DCC: variants seen among roughly 807,000 people sequenced by gnomAD.
DCC encodes the protein DCC netrin 1 receptor.
A neutral mutation model predicts 172.5 loss-of-function variants in DCC; 58 were observed. That is an observed-to-expected ratio of 0.34 (90% CI 0.27 to 0.42). The LOEUF (loss-of-function observed/expected upper bound fraction) is 0.42, where lower values mean the gene tolerates loss of function less well. Among genes scored for constraint, DCC ranks in the 10% least tolerant of loss-of-function variants. DCC has a pLI of 1.00. For missense variants in DCC, 1,740 were observed against 1,791.0 expected, an observed-to-expected ratio of 0.97 and a Z score of 0.51; for synonymous variants, 709 against 644.5, an observed-to-expected ratio of 1.10 and a Z score of -1.52.
At chr18:52,665,208 A>T (rs1320744760) in intron 1 of DCC, among the ~76,000 whole-genome samples, 1 of 152,096 alleles carries the variant, frequency 6.6e-6, no homozygotes, top group Non-Finnish European at 1.5e-5. Flanking sequence ...GCATGGCAGG[A>T]TCTCTTGTTT....
Position 52,433,878 on chromosome 18 carries a change from A to T in DCC, c.91+93000A>T, listed in dbSNP as rs77678410. On this transcript the variant is annotated intron_variant, in intron 1 of 28. Coordinates refer to ENST00000442544, the MANE Select transcript of DCC (RefSeq NM_005215.4). ...AATAATAATTACATGCAGAGACTCA[A>T]GTGTTGTCTGGTTTCCCTGTGATAT... 3.1e-3 allele frequency among the ~76,000 whole-genome samples: 470 copies of T among 152,292 alleles called. 3 individuals carry two copies. Among genetic ancestry groups the T allele is most frequent in the African/African-American group, 0.011 (450 of 41,558 alleles).
At chr18:53,077,748 G>T (rs1228438183) in intron 7 of DCC, among the ~76,000 whole-genome samples, 9 of 152,090 alleles carry the variant, frequency 5.9e-5, no homozygotes, top group Non-Finnish European at 1.5e-5. Context: ...TGTTATAATG[G>T]GTCTGTCTAC....
At chr18:53,199,012 A>G (rs2055493497) in intron 9 of DCC, among the ~76,000 whole-genome samples, 1 of 152,154 alleles carries the variant, frequency 6.6e-6, no homozygotes, top group South Asian at 2.1e-4. Flanking sequence ...ATGAAATGGA[A>G]GGCTGAAGCT....
intron 27 of DCC, among the ~76,000 whole-genome samples, chr18:53,504,080 A>T (rs2046139123): frequency 6.6e-6 from 1 of 152,206 alleles, no homozygotes; most frequent in Admixed American, 6.5e-5. Flanking sequence ...AGTGGACAGA[A>T]AAGGCGTTTG....
At chr18:53,475,142 G>A (rs989187856) in intron 25 of DCC, among the ~76,000 whole-genome samples, 1 of 152,258 alleles carries the variant, frequency 6.6e-6, no homozygotes, top group Non-Finnish European at 1.5e-5. Flanking sequence ...CATTCAAGAT[G>A]TGACTTGGAT....
At chr18:53,052,872 C>G (rs77584285) in intron 5 of DCC, among the ~76,000 whole-genome samples, 1 of 151,990 alleles carries the variant, frequency 6.6e-6, no homozygotes, top group Admixed American at 6.6e-5. Context: ...ATGCCAGGCA[C>G]GATGGCTCAT....
intron 24 of DCC, among the ~76,000 whole-genome samples, chr18:53,467,103 G>C (rs745480568): frequency 4.0e-5 from 6 of 151,788 alleles, no homozygotes; most frequent in Non-Finnish European, 7.4e-5. Flanking sequence ...AATCCCTTTC[G>C]CAAAAGGAAA....
At chr18:52,344,133 C>A (rs1983778805) in intron 1 of DCC, among the ~76,000 whole-genome samples, 1 of 152,208 alleles carries the variant, frequency 6.6e-6, no homozygotes, top group African/African-American at 2.4e-5. Flanking sequence ...TTTATAACTT[C>A]TCAGTGTGTA....
At chr18:52,693,912 A>T (rs2035970617) in intron 1 of DCC, among the ~76,000 whole-genome samples, 1 of 152,176 alleles carries the variant, frequency 6.6e-6, no homozygotes, top group South Asian at 2.1e-4. Context: ...AAGAAGTCAT[A>T]AATCTTTCTT....
chr18:53,180,902 C>T (rs1006686043), intron 9 of DCC, among the ~76,000 whole-genome samples: 4 of 152,086 alleles, frequency 2.6e-5, no homozygotes, highest in South Asian at 2.1e-4. Context: ...CAGGAGCCAT[C>T]GCGCCCAGCC....
In DCC at chr18:52,378,295, G is replaced by T. The variant is rs192002539; in HGVS notation, c.91+37417G>T. 4.3e-4 allele frequency among the ~76,000 whole-genome samples: 65 copies of T among 149,842 alleles called. No homozygotes were observed. The East Asian group carries it at 0.012, about 28-fold the overall frequency. On this transcript the variant is annotated intron_variant, in intron 1 of 28. Coordinates refer to ENST00000442544, the MANE Select transcript of DCC (RefSeq NM_005215.4). ...CTACAAAGCAGGCATCTAACTAATA[G>T]AGATGATCTCTAAAGAAAAAAAAAA... is the stretch of plus-strand genomic sequence containing the variant.
At chr18:52,375,181 A>G (rs1169025944) in intron 1 of DCC, among the ~76,000 whole-genome samples, 2 of 152,226 alleles carry the variant, frequency 1.3e-5, no homozygotes, top group Non-Finnish European at 1.5e-5. Flanking sequence ...TGAGTTCTAT[A>G]GAGACAAAAA....
rs1307423215 is a variant in DCC, at chr18:53,085,985, TCTTCTC to T, written c.1261+19831_1261+19836del. ...TTCTTCTTCTTCTTCTTCTTCTTCT[TCTTCTC>T]CTTCTCCTTCTTCTCCTTCTCCTTC... On this transcript the variant is annotated intron_variant, in intron 7 of 28. Transcript: ENST00000442544. 8.1e-5 allele frequency among the ~76,000 whole-genome samples: 5 copies of T among 61,618 alleles called. 1 individual carries two copies. The highest frequency in any genetic ancestry group is 1.2e-4 in the Non-Finnish European group (4 of 32,976). 40.4% of individuals were successfully genotyped at this position (61,618 alleles called of 152,430 possible).
chr18:53,152,264 G>A (rs1013652818), intron 7 of DCC, among the ~76,000 whole-genome samples: 1 of 152,100 alleles, frequency 6.6e-6, no homozygotes, highest in Non-Finnish European at 1.5e-5. Context: ...TTGTTGTTAT[G>A]AGTACCCCTT....
chr18:52,807,551 G>A (rs556443358), intron 2 of DCC, among the ~76,000 whole-genome samples: 75 of 152,172 alleles, frequency 4.9e-4, no homozygotes, highest in African/African-American at 1.8e-3. Flanking sequence ...GTAATGAATA[G>A]CAAAAAGAGG....
chr18:53,501,872 A>AT (rs946120385), intron 27 of DCC, among the ~76,000 whole-genome samples: 12 of 116,906 alleles, frequency 1.0e-4, no homozygotes, highest in South Asian at 2.5e-4. Flanking sequence ...GAGAATTGGC[A>AT]TTTTTTTACT....
chr18:52,910,357 TTAAGA>T (rs1475482828), intron 3 of DCC, among the ~76,000 whole-genome samples: 1 of 152,180 alleles, frequency 6.6e-6, no homozygotes, highest in Non-Finnish European at 1.5e-5. Context: ...CTCTTCCAGA[TTAAGA>T]TAATTATTTG....
In DCC at chr18:53,157,503, G is replaced by A. The variant is rs141813053; in HGVS notation, c.1409G>A (p.Gly470Asp). The change falls in exon 8 of 29, where the codon GGT becomes GAT. Residue 470 changes from glycine (G) to aspartate (D), a missense_variant. By Grantham distance (94) the Gly-to-Asp change is moderately conservative (BLOSUM62 -1). Coordinates refer to ENST00000442544, the MANE Select transcript of DCC (RefSeq NM_005215.4). The part of the protein sequence containing the change: ...QTFTVFFSRE[G>D]DNRERALNTT... Reference sequence around the variant, plus strand: ...TTCACGGTCTTTTTCTCCAGAGAAGGTGACAACAGGTAGGTGATGCTACCA... The same window carrying A: ...TTCACGGTCTTTTTCTCCAGAGAAGATGACAACAGGTAGGTGATGCTACCA... 4.2e-3 allele frequency: 6,785 copies of A among 1,614,060 alleles called. 15 individuals are homozygous for A. The highest frequency in any genetic ancestry group is 5.2e-3 in the Non-Finnish European group (6,189 of 1,179,974).
chr18:52,725,107 T>C (rs565871930), intron 1 of DCC, among the ~76,000 whole-genome samples: 2 of 152,302 alleles, frequency 1.3e-5, no homozygotes, highest in East Asian at 3.9e-4. Context: ...CTGTCATGAT[T>C]GATTGATCAA....
Sources: gnomAD v4.1 joint callset for allele counts (sites outside exome capture counted in the v4.1 genomes callset) on GRCh38, gnomAD v4.1.1 for gene constraint, MANE v1.5 for transcripts, NCBI Gene and HGNC (gene_info 2026-07-23, HGNC 2026-07-21) for gene names.